The following CHST5 variants were observed in gnomAD, a reference collection of about 807,000 sequenced individuals.
CHST5 encodes the protein carbohydrate sulfotransferase 5.
For synonymous variants in CHST5, 313 were observed against 279.2 expected, an observed-to-expected ratio of 1.12 and a Z score of -1.21; for missense variants, 637 against 602.1, an observed-to-expected ratio of 1.06 and a Z score of -0.61.
At position 75,533,082 on chromosome 16, in the gene CHST5, T is replaced by G. The variant is rs964785375; in HGVS notation, c.-1257+7A>C. The G allele has an allele frequency of 1.4e-6, 1 of 701,166 alleles. No homozygotes were observed. Among genetic ancestry groups the G allele is most frequent in the African/African-American group, 1.7e-5 (1 of 57,322 alleles). 43.4% of individuals were successfully genotyped at this position (701,166 alleles called of 1,614,324 possible). On this transcript the variant is annotated splice_region_variant and intron_variant, in intron 3 of 3. Transcript: ENST00000336257. ...GGATCTTGATCCCAAGCTAAGGTGT[T>G]TGTTACCTGTGTTCCAGGAAAGCCA...
At position 75,531,330 on chromosome 16, in the gene CHST5, A is replaced by G; in HGVS notation, c.-946T>C. 1 of 1,023,748 alleles carries G rather than the reference A, an allele frequency of 9.8e-7. No homozygotes were observed. The highest frequency in any genetic ancestry group is 1.2e-6 in the Non-Finnish European group (1 of 834,638). The allele number at this position is 1,023,748 out of a possible 1,614,324, so 63.4% of individuals were successfully genotyped here. A position where few individuals can be genotyped will look rare whatever the true frequency, so the allele number is the denominator to read the frequency against. Reference sequence around the variant, plus strand: ...AGTGAGACTCCGTTTCAAAAAAAAAAAAAAAAACAACAAAAAAAAAACTTT... The same window carrying G: ...AGTGAGACTCCGTTTCAAAAAAAAAGAAAAAAACAACAAAAAAAAAACTTT... On this transcript the variant is annotated 5_prime_UTR_variant, in exon 4 of 4. Coordinates refer to ENST00000336257, the MANE Select transcript of CHST5 (RefSeq NM_024533.5).
intron 3 of CHST5, among the ~76,000 whole-genome samples, chr16:75,532,811 T>G (rs2080534603): frequency 6.6e-6 from 1 of 152,260 alleles, no homozygotes; most frequent in Non-Finnish European, 1.5e-5. Flanking sequence ...TCGAGTCCAC[T>G]GGATAACTTA....
In CHST5 at chr16:75,528,913, G is replaced by C. The variant is rs1475912293; in HGVS notation, c.*236C>G. 1 of 480,396 alleles carries C rather than the reference G, an allele frequency of 2.1e-6. No homozygotes were observed. The highest frequency in any genetic ancestry group is 2.0e-5 in the African/African-American group (1 of 51,070). The allele number at this position is 480,396 out of a possible 1,614,324, so 29.8% of individuals were successfully genotyped here. On this transcript the variant is annotated 3_prime_UTR_variant, in exon 4 of 4. Coordinates refer to ENST00000336257, the MANE Select transcript of CHST5 (RefSeq NM_024533.5). ...GCGCCCAGAAGAGGTAGGGGCAAGA[G>C]TTGCTTTCCATGAAGAGTGCACCTG...
Position 75,529,266 on chromosome 16 carries a change from G to C in CHST5, c.1119C>G (p.Gly373=), listed in dbSNP as rs372000992. 6.2e-7 allele frequency: 1 copy of C among 1,612,970 alleles called. No homozygotes were observed. Among genetic ancestry groups the C allele is most frequent in the South Asian group, 1.1e-5 (1 of 91,060 alleles). The stretch of plus-strand genomic sequence containing the variant: ...GCCGGTAGCCCAGCAGCTGCAGCGC[G>C]CCGGCGCACACCTCCTGCACGCGCA... ...KILRVQEVCA[G]ALQLLGYRPV... is the part of the protein sequence containing the mutation. Residue 373 remains glycine, a synonymous_variant, in exon 4 of 4, where the codon GGC becomes GGG. Coordinates refer to ENST00000336257, the MANE Select transcript of CHST5 (RefSeq NM_024533.5).
In CHST5 at chr16:75,528,624, T is replaced by G. The variant is rs2080482138; in HGVS notation, c.*525A>C. On this transcript the variant is annotated 3_prime_UTR_variant, in exon 4 of 4. Coordinates refer to ENST00000336257, the MANE Select transcript of CHST5 (RefSeq NM_024533.5). ...GTGCAGTGGCATGATCTCAGCTTAC[T>G]GCAACCTCCACCTCTGGAGTCCAAG... 1 of 153,466 alleles carries G rather than the reference T, an allele frequency of 6.5e-6. No homozygotes were observed. The allele number at this position is 153,466 out of a possible 1,614,324, so 9.5% of individuals were successfully genotyped here.
Position 75,533,141 on chromosome 16 carries a change from C to T in CHST5, c.-1309G>A. On this transcript the variant is annotated 5_prime_UTR_variant, in exon 3 of 4. Transcript: ENST00000336257. The stretch of plus-strand genomic sequence containing the variant: ...CTTAAGGTGGTTGAATCACTCTATG[C>T]CACACAGAGTCTCCAGAAGACCAGT... 1.4e-6 allele frequency: 1 copy of T among 702,382 alleles called. No individual in the cohort carries two copies. The highest frequency in any genetic ancestry group is 2.7e-5 in the East Asian group (1 of 37,294). 43.5% of individuals were successfully genotyped at this position (702,382 alleles called of 1,614,324 possible).
intron 2 of CHST5, among the ~76,000 whole-genome samples, chr16:75,533,719 A>G (rs2080541487): frequency 6.6e-6 from 1 of 152,088 alleles, no homozygotes; most frequent in African/African-American, 2.4e-5. Flanking sequence ...CCTCTGTGTA[A>G]AAGGAGAGAG....
chr16:75,529,289 G>A lies in CHST5; in HGVS notation c.1096C>T (p.Arg366Cys). The A allele has an allele frequency of 1.9e-6, 3 of 1,613,170 alleles. No homozygotes were observed. Among genetic ancestry groups the A allele is most frequent in the Non-Finnish European group, 2.5e-6 (3 of 1,179,918 alleles). Residue 366 changes from arginine (R) to cysteine (C), a missense_variant, in exon 4 of 4, where the codon CGC becomes TGC. Coordinates refer to ENST00000336257, the MANE Select transcript of CHST5 (RefSeq NM_024533.5). ...RHALPFTKIL[R>C]VQEVCAGALQ... Reference sequence around the variant, plus strand: ...GCGCCGGCGCACACCTCCTGCACGCGCAGGATCTTAGTGAAGGGCAACGCG... The same window carrying A: ...GCGCCGGCGCACACCTCCTGCACGCACAGGATCTTAGTGAAGGGCAACGCG...
intron 2 of CHST5, 26 bp from the exon 3 acceptor site, chr16:75,533,209 C>G (rs771567648): frequency 1.4e-6 from 1 of 702,414 alleles, no homozygotes; most frequent in South Asian, 1.5e-5. Flanking sequence ...ACATTCAGCA[C>G]AGTGGACAAT....
At chr16:75,532,137 T>A (rs2080528062) in intron 3 of CHST5, among the ~76,000 whole-genome samples, 1 of 152,168 alleles carries the variant, frequency 6.6e-6, no homozygotes, top group South Asian at 2.1e-4. Flanking sequence ...GTCCCTGTGC[T>A]GAGCTACATC....
chr16:75,533,543 G>C (rs1377046907), intron 2 of CHST5, among the ~76,000 whole-genome samples: 1 of 152,004 alleles, frequency 6.6e-6, no homozygotes, highest in African/African-American at 2.4e-5. Context: ...TTCTTTTCTG[G>C]GGGCACATAT....
At chr16:75,531,844 G>A (rs953704816) in intron 3 of CHST5, among the ~76,000 whole-genome samples, 4 of 152,216 alleles carry the variant, frequency 2.6e-5, no homozygotes, top group South Asian at 2.1e-4. Flanking sequence ...TGCTGAGGTT[G>A]AATAAGTCTG....
At chr16:75,532,882 A>G (rs923534343) in intron 3 of CHST5, among the ~76,000 whole-genome samples, 1 of 152,202 alleles carries the variant, frequency 6.6e-6, no homozygotes, top group Non-Finnish European at 1.5e-5. Context: ...CTCAAGGCTT[A>G]GAGAGACAGC....
rs769347573 is a variant in CHST5 at position 75,529,217 on chromosome 16, G to C, written c.1168C>G (p.Arg390Gly). 1.7e-5 allele frequency: 27 copies of C among 1,611,702 alleles called. No homozygotes were observed. In the Admixed American group the frequency reaches 3.5e-4, roughly 21 times the overall value. The change falls in exon 4 of 4, where the codon CGT (arginine) becomes GGT (glycine). Residue 390 changes from arginine to glycine, a missense_variant. By Grantham distance (125) the Arg-to-Gly change is moderately radical (BLOSUM62 -2). Coordinates refer to ENST00000336257, the MANE Select transcript of CHST5 (RefSeq NM_024533.5). ...AGCACCAGATCCAGGGTGAGGTCACGCTGCTGGTCCGCAGAGTACACAGGC... is the reference window on the plus strand; with the variant it reads ...AGCACCAGATCCAGGGTGAGGTCACCCTGCTGGTCCGCAGAGTACACAGGC... ...YRPVYSADQQ[R>G]DLTLDLVLPR... is the part of the protein sequence containing the mutation.
In CHST5 at chr16:75,531,512, G is replaced by C. The variant is rs2080521799; in HGVS notation, c.-1128C>G. The stretch of plus-strand genomic sequence containing the variant: ...AGAAGATCAGTTGATGGGGAGCTGG[G>C]ATGGAGCCCAAGAAGCAGAGAGGTG... On this transcript the variant is annotated 5_prime_UTR_variant, in exon 4 of 4. The change creates a new upstream start codon in the 5' untranslated region. Coordinates refer to ENST00000336257, the MANE Select transcript of CHST5 (RefSeq NM_024533.5). 1 of 1,299,878 alleles carries C rather than the reference G, an allele frequency of 7.7e-7. No homozygotes were observed. Among genetic ancestry groups the C allele is most frequent in the Non-Finnish European group, 1.0e-6 (1 of 987,014 alleles). 80.5% of individuals were successfully genotyped at this position (1,299,878 alleles called of 1,614,324 possible).
At chr16:75,532,793 T>C (rs547521194) in intron 3 of CHST5, among the ~76,000 whole-genome samples, 7 of 152,386 alleles carry the variant, frequency 4.6e-5, no homozygotes, top group South Asian at 4.1e-4. Context: ...TCACAAGTGC[T>C]AGGTGCTTCG....
rs780946972 is a variant in CHST5, at chr16:75,530,295, C to G, written c.90G>C (p.Lys30Asn). The change falls in exon 4 of 4, where the codon AAG (lysine) becomes AAC (asparagine). Residue 30 changes from lysine (K) to asparagine (N), a missense_variant. Lys to Asn is a moderately conservative substitution (Grantham distance 94). Transcript: ENST00000336257. The stretch of plus-strand genomic sequence containing the variant: ...GTGCCAGGAGGAGCACTGTCACTGT[C>G]TTGCTGGAGAACCGTGGCAGCCACA... ...ARMWLPRFSS[K>N]TVTVLLLAQT... 28 of 1,611,574 alleles carry G rather than the reference C, an allele frequency of 1.7e-5. No homozygotes were observed. The highest frequency in any genetic ancestry group is 2.2e-5 in the Non-Finnish European group (26 of 1,179,266).
chr16:75,530,373 C>T lies in CHST5; in HGVS notation c.12G>A (p.Arg4=). The T allele has an allele frequency of 6.5e-7, 1 of 1,543,114 alleles. No individual in the cohort carries two copies. Residue 4 remains arginine, a synonymous_variant, in exon 4 of 4, where the codon AGG becomes AGA. Transcript: ENST00000336257. Reference sequence around the variant, plus strand: ...AGTGGGCAACTTTAGGGACCCGGGCCCTCATGCCCATCCCATGCCCCAATT... The same window carrying T: ...AGTGGGCAACTTTAGGGACCCGGGCTCTCATGCCCATCCCATGCCCCAATT... MGM[R]ARVPKVAHST...
Position 75,529,519 on chromosome 16 carries a change from C to T in CHST5, c.866G>A (p.Arg289His), listed in dbSNP as rs1241792912. ...GTCCTCGAAGCGCACCAGGCGGTAG[C>T]GGCCGCGCAGGAAGGGTGGCGGCTT... is the stretch of plus-strand genomic sequence containing the variant. ...TLKPPPFLRG[R>H]YRLVRFEDLA... Residue 289 changes from arginine (R) to histidine (H), a missense_variant, in exon 4 of 4, where the codon CGC becomes CAC. Coordinates refer to ENST00000336257, the MANE Select transcript of CHST5 (RefSeq NM_024533.5). 11 of 1,610,200 alleles carry T rather than the reference C, an allele frequency of 6.8e-6. No homozygotes were observed. Among genetic ancestry groups the T allele is most frequent in the Non-Finnish European group, 7.6e-6 (9 of 1,179,448 alleles).
Sources: allele counts gnomAD v4.1 joint callset (sites outside exome capture counted in the v4.1 genomes callset), GRCh38; gene constraint gnomAD v4.1.1; transcripts MANE v1.5; gene names NCBI Gene and HGNC (gene_info 2026-07-23, HGNC 2026-07-21).